The following CES2 variants were observed in gnomAD, a reference collection of about 807,000 sequenced individuals.
CES2 encodes carboxylesterase 2.
CES2 carries 42 observed loss-of-function variants against 52.1 expected under a neutral mutation model. The observed-to-expected ratio is 0.81, with a 90% CI of 0.63 to 1.04. CES2 has a LOEUF of 1.04. Ranked by LOEUF, CES2 falls within the 50% of genes least tolerant of loss-of-function variation. CES2 has a pLI of 0.00. For missense variants in CES2, 656 were observed against 724.3 expected (o/e 0.91, Z 1.08); for synonymous variants, 277 against 289.6 (o/e 0.96, Z 0.44).
In CES2 at chr16:66,935,677, C is replaced by T; in HGVS notation, c.42C>T (p.Ala14=). The T allele has an allele frequency of 6.2e-7, 1 of 1,601,826 alleles. No homozygotes were observed. Among genetic ancestry groups the T allele is most frequent in the Non-Finnish European group, 8.5e-7 (1 of 1,179,838 alleles). ...HRLRARLSAV[A]CGLLLLLVRG... ...TTCGTGCGCGGCTGAGCGCGGTGGCCTGTGGGCTTCTGCTGCTTCTTGTCC... is the reference window on the plus strand; with the variant it reads ...TTCGTGCGCGGCTGAGCGCGGTGGCTTGTGGGCTTCTGCTGCTTCTTGTCC... The change falls in exon 1 of 12, where the codon GCC becomes GCT. Residue 14 remains alanine, a synonymous_variant. Transcript: ENST00000317091.
chr16:66,943,975 CA>C lies in CES2; in HGVS notation c.1634del (p.Lys545ArgfsTer86). Reference sequence around the variant, plus strand: ...CCAGTTCTGGAAGAAGGCGCTGCCCCAAAAGATCCAGGAGCTCGAGGAGCCT... The same window carrying C: ...CCAGTTCTGGAAGAAGGCGCTGCCCCAAAGATCCAGGAGCTCGAGGAGCCT... ...RLQFWKKALPQKIQELEEPEE... is the reference protein window; with the variant it reads ...RLQFWKKALPXKIQELEEPEE... On this transcript the variant is annotated frameshift_variant, in exon 12 of 12. Transcript: ENST00000317091. LOFTEE classifies it low-confidence loss of function (END_TRUNC). The surrounding 1 kb of genome is among the most constrained non-coding windows in gnomAD (Gnocchi z 4.2). 1 of 1,595,986 alleles carries C rather than the reference CA, an allele frequency of 6.3e-7. No individual in the cohort carries two copies. Among genetic ancestry groups the C allele is most frequent in the Non-Finnish European group, 8.6e-7 (1 of 1,168,212 alleles).
chr16:66,944,098 A>C lies in CES2; in HGVS notation c.*73A>C, dbSNP rs996120815. 7 of 698,258 alleles carry C rather than the reference A, an allele frequency of 1.0e-5. No individual in the cohort carries two copies. The highest frequency in any genetic ancestry group is 1.3e-5 in the Non-Finnish European group (6 of 447,426). The allele number at this position is 698,258 out of a possible 1,614,324, so 43.3% of individuals were successfully genotyped here. On this transcript the variant is annotated 3_prime_UTR_variant, in exon 12 of 12. Coordinates refer to ENST00000317091, the MANE Select transcript of CES2 (RefSeq NM_001365405.1). ...CAGCCTGCTGTGCCCACACACACCC[A>C]CTAAGGAGAAAGAAGTTGATTCCTT...
chr16:66,935,607 G>T lies in CES2; in HGVS notation c.-29G>T. ...CTGGGTGAACAGCAGCGTGTCCGCC[G>T]GCAGCGAACCGAGACCAGCGAGCCG... is the stretch of plus-strand genomic sequence containing the variant. On this transcript the variant is annotated 5_prime_UTR_variant, in exon 1 of 12. Transcript: ENST00000317091. The T allele has an allele frequency of 6.2e-7, 1 of 1,609,930 alleles. No homozygotes were observed. The highest frequency in any genetic ancestry group is 1.1e-5 in the South Asian group (1 of 91,086).
At chr16:66,938,319 G>C in intron 2 of CES2, 78 bp downstream of exon 2, 2 of 1,023,452 alleles carry the variant, frequency 2.0e-6, no homozygotes, top group Non-Finnish European at 3.0e-6. Flanking sequence ...CTAGGCTGCA[G>C]TTATCATTTC....
chr16:66,935,951 A>G lies in CES2; in HGVS notation c.76+240A>G, dbSNP rs972126713. 1.5e-5 allele frequency: 21 copies of G among 1,418,256 alleles called. No homozygotes were observed. In the African/African-American group the frequency reaches 2.3e-4, roughly 16 times the overall value. The allele number at this position is 1,418,256 out of a possible 1,614,324, so 87.9% of individuals were successfully genotyped here. A position where few individuals can be genotyped will look rare whatever the true frequency, so the allele number is the denominator to read the frequency against. On this transcript the variant is annotated intron_variant, in intron 1 of 11. Coordinates refer to ENST00000317091, the MANE Select transcript of CES2 (RefSeq NM_001365405.1). ...GGAACCAGCGGAGTACAGGGGCCCC[A>G]GGAGCGCCGGGACATGCCAGGCCGG...
upstream of CES2, chr16:66,935,449 T>A: frequency 6.2e-7 from 1 of 1,601,466 alleles, no homozygotes; most frequent in Non-Finnish European, 8.5e-7. Flanking sequence ...CACCTATGAC[T>A]GCTCAGTCCC....
Position 66,935,597 on chromosome 16 carries a change from C to A in CES2, c.-39C>A. 3 of 1,611,496 alleles carry A rather than the reference C, an allele frequency of 1.9e-6. No individual in the cohort carries two copies. The highest frequency in any genetic ancestry group is 2.5e-6 in the Non-Finnish European group (3 of 1,179,998). On this transcript the variant is annotated 5_prime_UTR_variant, in exon 1 of 12. Coordinates refer to ENST00000317091, the MANE Select transcript of CES2 (RefSeq NM_001365405.1). ...GGGGCAGCCTCTGGGTGAACAGCAG[C>A]GTGTCCGCCGGCAGCGAACCGAGAC...
intron 2 of CES2, among the ~76,000 whole-genome samples, chr16:66,938,928 G>A (rs542741703): frequency 9.5e-4 from 144 of 152,304 alleles, no homozygotes; most frequent in African/African-American, 3.3e-3. Context: ...GTCAACACAT[G>A]CAGCCAATGG....
chr16:66,937,804 A>G (rs1429262977), intron 1 of CES2, among the ~76,000 whole-genome samples: 1 of 152,166 alleles, frequency 6.6e-6, no homozygotes, highest in Non-Finnish European at 1.5e-5. Flanking sequence ...TGAAGGTCCT[A>G]GGGCTGAATG....
At position 66,935,539 on chromosome 16, in the gene CES2, G is replaced by GGGCAA; in HGVS notation, c.-92_-88dup. ...CCTGCCCAGTCCAAACTCCAAGGCT[G>GGGCAA]GGCAAGGCACTGATCCACTGCTGGA... On this transcript the variant is annotated 5_prime_UTR_variant, in exon 1 of 12. Transcript: ENST00000317091. 1 of 1,614,154 alleles carries GGGCAA rather than the reference G, an allele frequency of 6.2e-7. No individual in the cohort carries two copies. The highest frequency in any genetic ancestry group is 8.5e-7 in the Non-Finnish European group (1 of 1,180,044).
intron 1 of CES2, among the ~76,000 whole-genome samples, chr16:66,936,547 C>T (rs1297210912): frequency 2.0e-5 from 3 of 152,096 alleles, no homozygotes; most frequent in East Asian, 1.9e-4. Flanking sequence ...CCAAAGAGCT[C>T]GTGGTGTCCC....
In CES2 at chr16:66,942,730, A is replaced by G; in HGVS notation, c.1365A>G (p.Ala455=). Residue 455 remains alanine (A), a synonymous_variant, in exon 10 of 12, where the codon GCA becomes GCG. Coordinates refer to ENST00000317091, the MANE Select transcript of CES2 (RefSeq NM_001365405.1). ...ACATCAGGCCACCGCACATGAAGGC[A>G]GACCATGGTGATGAGCTTCCTTTTG... ...LKNIRPPHMK[A]DHGDELPFVF... is the part of the protein sequence containing the mutation. 1 of 1,614,226 alleles carries G rather than the reference A, an allele frequency of 6.2e-7. No individual in the cohort carries two copies. The highest frequency in any genetic ancestry group is 8.5e-7 in the Non-Finnish European group (1 of 1,180,040).
In CES2 at chr16:66,943,160, G is replaced by T. The variant is rs1013357170; in HGVS notation, c.1421-139G>T. 6 of 865,376 alleles carry T rather than the reference G, an allele frequency of 6.9e-6. No homozygotes were observed. Among genetic ancestry groups the T allele is most frequent in the Middle Eastern group, 3.2e-4 (1 of 3,116 alleles). The allele number at this position is 865,376 out of a possible 1,614,324, so 53.6% of individuals were successfully genotyped here. A position where few individuals can be genotyped will look rare whatever the true frequency, so the allele number is the denominator to read the frequency against. On this transcript the variant is annotated intron_variant, in intron 10 of 11. Coordinates refer to ENST00000317091, the MANE Select transcript of CES2 (RefSeq NM_001365405.1). This position sits in a 1 kb window ranked among gnomAD's most constrained non-coding sequence, Gnocchi z 4.2. ...CAGGGAAAGTTTGGAAAAGGGGAGG[G>T]CTGGCTTCTGAGGGCAGTGGAAGAA...
At chr16:66,934,652 G>C, upstream of CES2, 2 of 440,282 alleles carry the variant, frequency 4.5e-6, no homozygotes, top group Non-Finnish European at 8.1e-6. The surrounding 1 kb of genome is among the most constrained non-coding windows in gnomAD (Gnocchi z 4.1). Context: ...CCAGGTCTCA[G>C]GGGGCACTAA....
chr16:66,941,530 G>A lies in CES2; in HGVS notation c.940G>A (p.Val314Met), dbSNP rs1376372949. The change falls in exon 7 of 12, where the codon GTG becomes ATG. Residue 314 changes from valine (V) to methionine (M), a missense_variant. Transcript: ENST00000317091. ...GCCTTTCAAGATGATCCCCGGAGTG[G>A]TGGATGGGGTCTTCCTGCCCAGGCA... ...NKPFKMIPGVVDGVFLPRHPQ... is the reference protein window; with the variant it reads ...NKPFKMIPGVMDGVFLPRHPQ... 6 of 1,614,018 alleles carry A rather than the reference G, an allele frequency of 3.7e-6. No individual in the cohort carries two copies. Among genetic ancestry groups the A allele is most frequent in the African/African-American group, 2.7e-5 (2 of 74,912 alleles).
chr16:66,938,906 A>G (rs1361758579), intron 2 of CES2, among the ~76,000 whole-genome samples: 5 of 152,170 alleles, frequency 3.3e-5, no homozygotes, highest in Non-Finnish European at 2.9e-5. Context: ...TTACAGGAAT[A>G]TAGTGGTGAA....
At chr16:66,942,316 C>T (rs926402874) in intron 9 of CES2, 67 bp downstream of exon 9, 3 of 1,508,106 alleles carry the variant, frequency 2.0e-6, no homozygotes, top group Non-Finnish European at 2.7e-6. Flanking sequence ...CCAGGTGAGA[C>T]CTGCTGCTGT....
rs753295847 is a variant in CES2, at chr16:66,943,945, A to G, written c.1600A>G (p.Arg534Gly). The G allele has an allele frequency of 2.1e-5, 33 of 1,608,854 alleles. No homozygotes were observed. Among genetic ancestry groups the G allele is most frequent in the Non-Finnish European group, 2.7e-5 (32 of 1,176,360 alleles). Residue 534 changes from arginine (R) to glycine (G), a missense_variant, in exon 12 of 12, where the codon AGG becomes GGG. Coordinates refer to ENST00000317091, the MANE Select transcript of CES2 (RefSeq NM_001365405.1). The surrounding 1 kb of genome is among the most constrained non-coding windows in gnomAD (Gnocchi z 4.2). Reference sequence around the variant, plus strand: ...GGTGGGCCGGGCTCTGAAGGCCCACAGGCTCCAGTTCTGGAAGAAGGCGCT... The same window carrying G: ...GGTGGGCCGGGCTCTGAAGGCCCACGGGCTCCAGTTCTGGAAGAAGGCGCT... ...PAVGRALKAH[R>G]LQFWKKALPQ...
chr16:66,941,184 CG>C lies in CES2; in HGVS notation c.881del (p.Gly294AlafsTer16). 6.2e-7 allele frequency: 1 copy of C among 1,614,070 alleles called. No individual in the cohort carries two copies. Among genetic ancestry groups the C allele is most frequent in the Non-Finnish European group, 8.5e-7 (1 of 1,180,000 alleles). On this transcript the variant is annotated frameshift_variant, in exon 6 of 12. Transcript: ENST00000317091. LOFTEE classifies it high-confidence loss of function. ...CTCTGAGGCCCTGGTGGGCTGCCTG[CG>C]GGGCAAGAGTAAAGAGGAGATTCTT... ...VDSEALVGCL[R>X]GKSKEEILAI...
Sources: gnomAD v4.1 joint callset for allele counts (sites outside exome capture counted in the v4.1 genomes callset) on GRCh38, gnomAD v4.1.1 for gene constraint, Gnocchi (gnomAD v3.1) non-coding constraint, MANE v1.5 for transcripts, NCBI Gene and HGNC (gene_info 2026-07-23, HGNC 2026-07-21) for gene names.